The following MLANA variants were observed in gnomAD, a reference collection of about 807,000 sequenced individuals.
The protein encoded by MLANA is melan-A.
MLANA carries 21 observed loss-of-function variants against 15.7 expected under a neutral mutation model. That is an observed-to-expected ratio of 1.33 (90% CI 0.95 to 1.92). The LOEUF is 1.92. Ranked by LOEUF, MLANA falls within the 40% of genes most tolerant of loss-of-function variation. The probability of loss-of-function intolerance (pLI) is 0.00; values close to 1 mark genes in which losing one functional copy is unlikely to be tolerated. For synonymous variants in MLANA, 56 were observed against 51.5 expected (o/e 1.09, Z -0.37); for missense variants, 164 against 143.8 (o/e 1.14, Z -0.72).
chr9:5,905,728 G>T (rs368098094), intron 3 of MLANA, among the ~76,000 whole-genome samples: 2 of 152,256 alleles, frequency 1.3e-5, no homozygotes, highest in South Asian at 4.2e-4. Flanking sequence ...GCCTTTTCAG[G>T]CTGACCCAAT....
chr9:5,908,520 A>C, intron 4 of MLANA, 120 bp from the exon 5 acceptor site: 2 of 852,156 alleles, frequency 2.3e-6, no homozygotes, highest in Non-Finnish European at 3.8e-6. Flanking sequence ...TTATATGGGA[A>C]CACTTAGAAA....
At chr9:5,906,250 A>C (rs1259173139) in intron 3 of MLANA, among the ~76,000 whole-genome samples, 1 of 151,210 alleles carries the variant, frequency 6.6e-6, no homozygotes, top group African/African-American at 2.4e-5. Flanking sequence ...GTATCACTTG[A>C]ACCCAGGACG....
chr9:5,906,011 C>T (rs1279423054), intron 3 of MLANA, among the ~76,000 whole-genome samples: 3 of 151,898 alleles, frequency 2.0e-5, no homozygotes, highest in Non-Finnish European at 4.4e-5. Flanking sequence ...TACATTGTTG[C>T]TATTATTCAT....
rs41281751 is a variant in MLANA, at chr9:5,909,403, C to T, written c.*695C>T. 0.011 allele frequency: 1,656 copies of T among 152,444 alleles called. 12 individuals carry two copies. Among genetic ancestry groups the T allele is most frequent in the Middle Eastern group, 0.02 (6 of 296 alleles). The allele number at this position is 152,444 out of a possible 1,614,324, so 9.4% of individuals were successfully genotyped here. On this transcript the variant is annotated 3_prime_UTR_variant, in exon 5 of 5. Coordinates refer to ENST00000381477, the MANE Select transcript of MLANA (RefSeq NM_005511.2). ...CCTCCTGAGTAGCTGGGATTACAGG[C>T]GTGCGCCACTATGCCTGACTAATTT... is the stretch of plus-strand genomic sequence containing the variant.
Position 5,910,011 on chromosome 9 carries a change from T to A in MLANA, c.*1303T>A, listed in dbSNP as rs764688174. ...CATTTTCCATAGTAGAGGATAACTA[T>A]AACAACGAAGATAATGAAAGTAATT... On this transcript the variant is annotated 3_prime_UTR_variant, in exon 5 of 5. Transcript: ENST00000381477. 1.3e-5 allele frequency: 2 copies of A among 152,188 alleles called. No homozygotes were observed. The highest frequency in any genetic ancestry group is 2.9e-5 in the Non-Finnish European group (2 of 68,032). The allele number at this position is 152,188 out of a possible 1,614,324, so 9.4% of individuals were successfully genotyped here. A position where few individuals can be genotyped will look rare whatever the true frequency, so the allele number is the denominator to read the frequency against.
intron 2 of MLANA, among the ~76,000 whole-genome samples, chr9:5,896,613 G>A (rs972921935): frequency 3.3e-5 from 5 of 152,186 alleles, no homozygotes; most frequent in Admixed American, 1.3e-4. Flanking sequence ...CTTTCTTAGC[G>A]AGTTGACAAC....
intron 3 of MLANA, among the ~76,000 whole-genome samples, chr9:5,902,653 G>A (rs1832514508): frequency 1.3e-5 from 2 of 151,042 alleles, no homozygotes; most frequent in African/African-American, 4.9e-5. Context: ...TGTGCCTCCA[G>A]GTCTGATTAA....
At chr9:5,908,445 ACT>A (rs1277557499) in intron 4 of MLANA, among the ~76,000 whole-genome samples, 193 bp from the exon 5 acceptor site, 1 of 152,052 alleles carries the variant, frequency 6.6e-6, no homozygotes, top group Non-Finnish European at 1.5e-5. Context: ...ATTTTTCTCT[ACT>A]CTTGCCCCCA....
intron 1 of MLANA, 77 bp from the exon 2 acceptor site, chr9:5,892,373 C>T: frequency 6.1e-6 from 6 of 991,490 alleles, no homozygotes; most frequent in Non-Finnish European, 7.4e-6. Context: ...AGTGAGGATG[C>T]TGTTGTGGGT....
intron 3 of MLANA, 85 bp downstream of exon 3, chr9:5,897,738 T>G (rs754596273): frequency 8.6e-7 from 1 of 1,159,984 alleles, no homozygotes; most frequent in Non-Finnish European, 1.3e-6. Context: ...GAGAGTCAGA[T>G]AATTGCCTCA....
chr9:5,906,527 G>T (rs982579654), intron 3 of MLANA, among the ~76,000 whole-genome samples: 1 of 152,140 alleles, frequency 6.6e-6, no homozygotes, highest in Non-Finnish European at 1.5e-5. Context: ...GCTTGACAAA[G>T]TCTTTATTTC....
intron 3 of MLANA, among the ~76,000 whole-genome samples, chr9:5,902,447 C>A (rs1563817366): frequency 6.6e-6 from 1 of 151,444 alleles, no homozygotes; most frequent in African/African-American, 2.4e-5. Flanking sequence ...ACTCTACTGA[C>A]TTTTTTTTCT....
intron 4 of MLANA, 151 bp from the exon 5 acceptor site, chr9:5,908,489 A>C (rs1311078553): frequency 1.0e-5 from 7 of 702,604 alleles, no homozygotes; most frequent in Non-Finnish European, 1.5e-5. Context: ...GAAATTTAAC[A>C]ATTACTTCAC....
chr9:5,907,017 T>A lies in MLANA; in HGVS notation c.288+19T>A, dbSNP rs199567225. 48 of 1,497,492 alleles carry A rather than the reference T, an allele frequency of 3.2e-5. No homozygotes were observed. Among genetic ancestry groups the A allele is most frequent in the Non-Finnish European group, 4.3e-5 (48 of 1,106,842 alleles). The allele number at this position is 1,497,492 out of a possible 1,614,324, so 92.8% of individuals were successfully genotyped here. A position where few individuals can be genotyped will look rare whatever the true frequency, so the allele number is the denominator to read the frequency against. On this transcript the variant is annotated intron_variant, in intron 4 of 4. Transcript: ENST00000381477. ...ACCTGTGGTAGGTTAAGATCCTTCA[T>A]AAGGGTATTTTCATGAATGGCTGTT...
Position 5,894,298 on chromosome 9 carries a change from C to G in MLANA, c.77+1747C>G, listed in dbSNP as rs1029218553. ...TTTCAGGGTCTAGTCAGGAAGAAAC[C>G]AACTAGATGGTTCAACATAGAGACT... is the stretch of plus-strand genomic sequence containing the variant. On this transcript the variant is annotated intron_variant, in intron 2 of 4. Coordinates refer to ENST00000381477, the MANE Select transcript of MLANA (RefSeq NM_005511.2). This position sits in a 1 kb window ranked among gnomAD's most constrained non-coding sequence, Gnocchi z 4.0. Among the ~76,000 whole-genome samples, 1 of 152,002 alleles carries G rather than the reference C, an allele frequency of 6.6e-6. No homozygotes were observed. Among genetic ancestry groups the G allele is most frequent in the African/African-American group, 2.4e-5 (1 of 41,392 alleles).
Position 5,906,990 on chromosome 9 carries a change from G to A in MLANA, c.280G>A (p.Glu94Lys), listed in dbSNP as rs539710905. Residue 94 changes from glutamate to lysine, a missense_variant, in exon 4 of 5, where the codon GAA becomes AAA. By Grantham distance (56) the Glu-to-Lys change is moderately conservative (BLOSUM62 1). Coordinates refer to ENST00000381477, the MANE Select transcript of MLANA (RefSeq NM_005511.2). ...SKVSLQEKNC[E>K]PVVPNAPPAY... ...AGTGTCTCTTCAAGAGAAAAACTGT[G>A]AACCTGTGGTAGGTTAAGATCCTTC... The A allele has an allele frequency of 1.3e-5, 21 of 1,592,002 alleles. No homozygotes were observed. Among genetic ancestry groups the A allele is most frequent in the Non-Finnish European group, 1.7e-5 (20 of 1,171,848 alleles).
At chr9:5,900,028 T>A (rs538532650) in intron 3 of MLANA, among the ~76,000 whole-genome samples, 1 of 152,340 alleles carries the variant, frequency 6.6e-6, no homozygotes, top group East Asian at 1.9e-4. Flanking sequence ...TATTTGTATA[T>A]CAAAAACAAA....
chr9:5,896,997 T>C (rs1482828233), intron 2 of MLANA, among the ~76,000 whole-genome samples: 1 of 152,248 alleles, frequency 6.6e-6, no homozygotes, highest in Non-Finnish European at 1.5e-5. Flanking sequence ...TGTTTTGTGC[T>C]AGCTCTGTAT....
rs1369000694 is a variant in MLANA at position 5,910,060 on chromosome 9, T to C, written c.*1352T>C. On this transcript the variant is annotated 3_prime_UTR_variant, in exon 5 of 5. Coordinates refer to ENST00000381477, the MANE Select transcript of MLANA (RefSeq NM_005511.2). ...TTTTTTTAACCTAAGAAAATACTAA[T>C]GGTCACAGAAGGCTATGAACCTGAG... The C allele has an allele frequency of 6.6e-6, 1 of 152,244 alleles. No homozygotes were observed. Among genetic ancestry groups the C allele is most frequent in the African/African-American group, 2.4e-5 (1 of 41,482 alleles). 9.4% of individuals were successfully genotyped at this position (152,244 alleles called of 1,614,324 possible).
Sources: gnomAD v4.1 joint callset for allele counts (sites outside exome capture counted in the v4.1 genomes callset) on GRCh38, gnomAD v4.1.1 for gene constraint, Gnocchi (gnomAD v3.1) non-coding constraint, MANE v1.5 for transcripts, NCBI Gene and HGNC (gene_info 2026-07-23, HGNC 2026-07-21) for gene names.